The following CD8B2 variants were observed in gnomAD, a reference collection of about 807,000 sequenced individuals.
CD8B2 encodes CD8B family member 2.
A neutral mutation model predicts 23.7 loss-of-function variants in CD8B2; 11 were observed. That is an observed-to-expected ratio of 0.46 (90% CI 0.29 to 0.77). The LOEUF (loss-of-function observed/expected upper bound fraction) is 0.77, where lower values mean the gene tolerates loss of function less well. CD8B2 is among the 30% of genes least tolerant of loss of function. The pLI, the probability that CD8B2 is intolerant of heterozygous loss-of-function variation, is 0.09. For missense variants in CD8B2, 197 were observed against 270.5 expected (o/e 0.73, Z 1.91); for synonymous variants, 90 against 109.3 (o/e 0.82, Z 1.10).
intron 5 of CD8B2, among the ~76,000 whole-genome samples, chr2:106,526,075 T>A (rs766729696): frequency 6.6e-6 from 1 of 152,110 alleles, no homozygotes; most frequent in Non-Finnish European, 1.5e-5. Context: ...ACCCTGTCTC[T>A]ACTAAAATAC....
intron 2 of CD8B2, 37 bp from the exon 3 acceptor site, chr2:106,496,136 A>C (rs1679294976): frequency 6.5e-7 from 1 of 1,548,364 alleles, no homozygotes; most frequent in Admixed American, 2.0e-5. Context: ...CGTGGTGTTC[A>C]CTTGGCTAAG....
intron 5 of CD8B2, among the ~76,000 whole-genome samples, chr2:106,527,822 C>CAAAT (rs1428322814): frequency 1.3e-5 from 2 of 151,514 alleles, no homozygotes; most frequent in African/African-American, 4.9e-5. Flanking sequence ...AACAAACAAA[C>CAAAT]AAACAAAAAG....
At chr2:106,498,270 C>A (rs895395398) in intron 3 of CD8B2, among the ~76,000 whole-genome samples, 2 of 151,962 alleles carry the variant, frequency 1.3e-5, no homozygotes, top group African/African-American at 4.8e-5. Context: ...GCCTCAGCCT[C>A]CAGAGTAGCT....
chr2:106,498,554 A>T (rs1679342883), intron 3 of CD8B2, among the ~76,000 whole-genome samples: 1 of 152,150 alleles, frequency 6.6e-6, no homozygotes, highest in Non-Finnish European at 1.5e-5. Flanking sequence ...AAGGTGACCT[A>T]GTGGAGTAAG....
intron 3 of CD8B2, among the ~76,000 whole-genome samples, chr2:106,501,106 G>A (rs4287763): frequency 3.9e-5 from 6 of 151,986 alleles, no homozygotes; most frequent in Non-Finnish European, 7.4e-5. Flanking sequence ...GCAAAGTCTG[G>A]GGTTTAGTAG....
Position 106,507,797 on chromosome 2 carries a change from T to C in CD8B2, c.*857T>C. 1 of 267,112 alleles carries C rather than the reference T, an allele frequency of 3.7e-6. No homozygotes were observed. Among genetic ancestry groups the C allele is most frequent in the Non-Finnish European group, 5.8e-6 (1 of 173,294 alleles). The allele number at this position is 267,112 out of a possible 1,614,324, so 16.5% of individuals were successfully genotyped here. A position where few individuals can be genotyped will look rare whatever the true frequency, so the allele number is the denominator to read the frequency against. ...TGAGATCCTCATTTGCCCGACATTG[T>C]AGGTGTGGAGAGTCCTAGAGAGGCT... On this transcript the variant is annotated 3_prime_UTR_variant, in exon 6 of 6. Transcript: ENST00000643224.
intron 1 of CD8B2, among the ~76,000 whole-genome samples, chr2:106,490,254 G>C (rs1679167037): frequency 6.6e-6 from 1 of 152,080 alleles, no homozygotes. Flanking sequence ...ACCAGTTTTG[G>C]CTTCAGACTT....
chr2:106,515,921 C>T (rs2104565777), downstream of CD8B2, among the ~76,000 whole-genome samples: 1 of 152,088 alleles, frequency 6.6e-6, no homozygotes. Flanking sequence ...CTCCAGGGTT[C>T]AAGCGATTCT....
At chr2:106,511,724 A>G (rs1468566532), downstream of CD8B2, among the ~76,000 whole-genome samples, 1 of 152,108 alleles carries the variant, frequency 6.6e-6, no homozygotes, top group Non-Finnish European at 1.5e-5. Context: ...CTTCCAAAAG[A>G]TATTTCCTCT....
rs563867988 is a variant in CD8B2, at chr2:106,543,851, A to T, written c.621-141A>T. The T allele has an allele frequency of 3.3e-5, 13 of 393,890 alleles. No homozygotes were observed. The Admixed American group carries it at 3.6e-4, about 11-fold the overall frequency. The allele number at this position is 393,890 out of a possible 1,614,324, so 24.4% of individuals were successfully genotyped here. A position where few individuals can be genotyped will look rare whatever the true frequency, so the allele number is the denominator to read the frequency against. On this transcript the variant is annotated intron_variant, in intron 5 of 5. Transcript: ENST00000416057. The stretch of plus-strand genomic sequence containing the variant: ...CAGTTTATATTTCAAGCTTTCTATG[A>T]GTTTCACAGGTTCCATGAACTTGGA...
At chr2:106,493,186 C>A (rs893353667) in intron 2 of CD8B2, among the ~76,000 whole-genome samples, 2 of 152,192 alleles carry the variant, frequency 1.3e-5, no homozygotes, top group Non-Finnish European at 2.9e-5. Context: ...CGGAGCCGAA[C>A]CCCACCTTCT....
At chr2:106,512,069 C>A (rs1679642431), downstream of CD8B2, among the ~76,000 whole-genome samples, 1 of 152,204 alleles carries the variant, frequency 6.6e-6, no homozygotes, top group South Asian at 2.1e-4. Flanking sequence ...CATGTCCATT[C>A]TTCTACGTAA....
At chr2:106,516,305 G>A (rs1465806529) in intron 5 of CD8B2, among the ~76,000 whole-genome samples, 1 of 152,148 alleles carries the variant, frequency 6.6e-6, no homozygotes, top group African/African-American at 2.4e-5. Flanking sequence ...TGAAGCGAAG[G>A]AGCACCTTTC....
downstream of CD8B2, among the ~76,000 whole-genome samples, chr2:106,511,986 A>G (rs1184157286): frequency 1.6e-4 from 24 of 152,218 alleles, no homozygotes; most frequent in Non-Finnish European, 7.3e-5. Flanking sequence ...TGCTTTTCCC[A>G]TTAGTTTACT....
intron 5 of CD8B2, among the ~76,000 whole-genome samples, chr2:106,539,869 A>C (rs1680145583): frequency 6.6e-6 from 1 of 152,222 alleles, no homozygotes; most frequent in Admixed American, 6.5e-5. Flanking sequence ...ATCTTGGCTA[A>C]CTTAATCACT....
At position 106,490,935 on chromosome 2, in the gene CD8B2, G is replaced by C. The variant is rs1573327504; in HGVS notation, c.105G>C (p.Lys35Asn). ...TPAYIKVQTN[K>N]MVMLSCEAKI... Reference sequence around the variant, plus strand: ...CATACATAAAGGTGCAAACCAACAAGATGGTGATGCTGTCCTGCGAGGCTA... The same window carrying C: ...CATACATAAAGGTGCAAACCAACAACATGGTGATGCTGTCCTGCGAGGCTA... Residue 35 changes from lysine (K) to asparagine (N), a missense_variant, in exon 2 of 6, where the codon AAG becomes AAC. This residue lies in a region of CD8B2 where 140 missense variants were observed against 164.2 expected (regional missense o/e 0.85). Coordinates refer to ENST00000643224, the MANE Select transcript of CD8B2 (RefSeq NM_001349727.2). 5.0e-6 allele frequency: 8 copies of C among 1,613,126 alleles called. No homozygotes were observed. In the East Asian group the frequency reaches 1.1e-4, roughly 22 times the overall value.
chr2:106,505,252 C>T (rs1038477273), intron 5 of CD8B2, among the ~76,000 whole-genome samples: 2 of 152,118 alleles, frequency 1.3e-5, no homozygotes, highest in Admixed American at 1.3e-4. Flanking sequence ...TAGAACAACC[C>T]CCTCTATACA....
At chr2:106,504,460 A>T in intron 5 of CD8B2, 135 bp downstream of exon 5, 1 of 1,519,696 alleles carries the variant, frequency 6.6e-7, no homozygotes, top group Non-Finnish European at 8.9e-7. Flanking sequence ...GGTAGTGCAC[A>T]CCTGTAGTCA....
At chr2:106,491,995 C>T (rs1679206349) in intron 2 of CD8B2, among the ~76,000 whole-genome samples, 1 of 152,096 alleles carries the variant, frequency 6.6e-6, no homozygotes, top group Non-Finnish European at 1.5e-5. Flanking sequence ...GAAAGGAGGC[C>T]CTCACTGCCC....
Sources: gnomAD v4.1 joint callset for allele counts (sites outside exome capture counted in the v4.1 genomes callset) on GRCh38, gnomAD v4.1.1 for gene constraint, gnomAD v4.1.1 regional missense constraint, MANE v1.5 for transcripts, NCBI Gene and HGNC (gene_info 2026-07-23, HGNC 2026-07-21) for gene names.